The following CD109 variants were observed in gnomAD, a reference collection of about 807,000 sequenced individuals.
CD109 encodes the protein CD109 antigen.
Under a neutral mutation model 165.8 loss-of-function variants are expected in CD109, and 149 were observed. The observed-to-expected ratio is 0.90, with a 90% confidence interval of 0.79 to 1.03. The LOEUF is 1.03. CD109 is among the 50% of genes least tolerant of loss of function. CD109 has a pLI of 0.00. For missense variants in CD109, 1,712 were observed against 1,677.8 expected, an observed-to-expected ratio of 1.02 and a Z score of -0.36; for synonymous variants, 585 against 592.1, an observed-to-expected ratio of 0.99 and a Z score of 0.18.
At chr6:73,687,089 A>G in the CD109 span, among the ~76,000 whole-genome samples, 1 of 152,248 alleles carries the variant, frequency 6.6e-6, no homozygotes, top group African/African-American at 2.4e-5. Flanking sequence ...TCTATTGGAC[A>G]GCATTGGTCT....
intron 7 of CD109, 58 bp from the exon 8 acceptor site, chr6:73,762,326 A>G (rs1773667007): frequency 1.9e-6 from 2 of 1,068,436 alleles, no homozygotes; most frequent in Admixed American, 4.1e-5. Flanking sequence ...TAGTATTTTT[A>G]TTGTGTTCTG....
At position 73,696,269 on chromosome 6, in the gene CD109, C is replaced by T; in HGVS notation, c.54C>T (p.Ala18=). 6.5e-7 allele frequency: 1 copy of T among 1,530,088 alleles called. No individual in the cohort carries two copies. Among genetic ancestry groups the T allele is most frequent in the Non-Finnish European group, 8.7e-7 (1 of 1,144,066 alleles). 94.8% of individuals were successfully genotyped at this position (1,530,088 alleles called of 1,614,324 possible). ...TAAHLLCVCT[A]ALAVAPGPRF... is the part of the protein sequence containing the mutation. ...CCCACCTCCTCTGCGTGTGCACCGC[C>T]GCGCTGGCCGTGGCTCCCGGGTAGG... Residue 18 remains alanine, a synonymous_variant, in exon 1 of 33, where the codon GCC becomes GCT. Transcript: ENST00000287097.
At chr6:73,718,706 C>G (rs999810636) in intron 2 of CD109, among the ~76,000 whole-genome samples, 8 of 151,930 alleles carry the variant, frequency 5.3e-5, no homozygotes, top group African/African-American at 1.9e-4. Context: ...TTTCACATGT[C>G]TATGTCTCAG....
rs756966963 is a variant in CD109, at chr6:73,771,518, G to A, written c.1764G>A (p.Gly588=). 1.1e-5 allele frequency: 18 copies of A among 1,610,434 alleles called. No individual in the cohort carries two copies. The highest frequency in any genetic ancestry group is 1.5e-5 in the Non-Finnish European group (18 of 1,178,520). The change falls in exon 15 of 33, where the codon GGG becomes GGA. Residue 588 remains glycine (G), a synonymous_variant. Transcript: ENST00000287097. ...ISVTQPDSIV[G]IVAVDKSVNL... ...TGACACAGCCTGACTCCATAGTTGGGATTGTAGCTGTTGACAAAAGTGTGA... is the reference window on the plus strand; with the variant it reads ...TGACACAGCCTGACTCCATAGTTGGAATTGTAGCTGTTGACAAAAGTGTGA...
At chr6:73,760,086 T>C (rs1773554450) in intron 7 of CD109, among the ~76,000 whole-genome samples, 1 of 152,006 alleles carries the variant, frequency 6.6e-6, no homozygotes, top group Non-Finnish European at 1.5e-5. Flanking sequence ...ACAATAGAGA[T>C]AGAAGCAACC....
chr6:73,796,835 T>C (rs1312434167), intron 23 of CD109, among the ~76,000 whole-genome samples: 1 of 152,192 alleles, frequency 6.6e-6, no homozygotes, highest in African/African-American at 2.4e-5. Context: ...CATGTGCTAC[T>C]CTTTTTGCTG....
chr6:73,786,562 C>A (rs1348094313), intron 20 of CD109, among the ~76,000 whole-genome samples: 1 of 151,914 alleles, frequency 6.6e-6, no homozygotes, highest in African/African-American at 2.4e-5. Flanking sequence ...TACCACTTAC[C>A]AGCAAATGAC....
intron 5 of CD109, among the ~76,000 whole-genome samples, chr6:73,738,766 ATCT>A (rs1460291581): frequency 6.6e-6 from 1 of 152,212 alleles, no homozygotes; most frequent in Non-Finnish European, 1.5e-5. Context: ...TGCTTTAGAC[ATCT>A]TATGTCCCTT....
At chr6:73,716,361 C>G (rs1771745290) in intron 2 of CD109, among the ~76,000 whole-genome samples, 1 of 152,192 alleles carries the variant, frequency 6.6e-6, no homozygotes, top group African/African-American at 2.4e-5. Flanking sequence ...CCAAACTGTT[C>G]TCCATAGTGG....
rs753752542 is a variant in CD109, at chr6:73,771,509, C to T, written c.1755C>T (p.Ser585=). 6.2e-7 allele frequency: 1 copy of T among 1,610,940 alleles called. No individual in the cohort carries two copies. Among genetic ancestry groups the T allele is most frequent in the Non-Finnish European group, 8.5e-7 (1 of 1,178,478 alleles). The change falls in exon 15 of 33, where the codon TCC becomes TCT. Residue 585 remains serine (S), a synonymous_variant. Transcript: ENST00000287097. The part of the protein sequence containing the change: ...SLRISVTQPD[S]IVGIVAVDKS... Reference sequence around the variant, plus strand: ...GGATCTCTGTGACACAGCCTGACTCCATAGTTGGGATTGTAGCTGTTGACA... The same window carrying T: ...GGATCTCTGTGACACAGCCTGACTCTATAGTTGGGATTGTAGCTGTTGACA...
chr6:73,727,586 G>A (rs923493842), intron 3 of CD109, among the ~76,000 whole-genome samples: 4 of 152,074 alleles, frequency 2.6e-5, no homozygotes, highest in African/African-American at 7.2e-5. Flanking sequence ...AATGTTTTCG[G>A]GCATATTTGC....
intron 15 of CD109, among the ~76,000 whole-genome samples, chr6:73,777,161 T>G (rs1774280183): frequency 6.6e-6 from 1 of 151,914 alleles, no homozygotes; most frequent in African/African-American, 2.4e-5. Context: ...TTTCTTCATG[T>G]TGGTCAGCCT....
intron 7 of CD109, among the ~76,000 whole-genome samples, chr6:73,761,250 C>T (rs1005387148): frequency 3.9e-5 from 6 of 152,190 alleles, no homozygotes; most frequent in Admixed American, 1.3e-4. Flanking sequence ...ATTGCACTAT[C>T]AGCTGACATT....
At chr6:73,772,446 C>CA (rs1214989544) in intron 15 of CD109, among the ~76,000 whole-genome samples, 1 of 142,068 alleles carries the variant, frequency 7.0e-6, no homozygotes, top group Non-Finnish European at 1.5e-5. Context: ...GCGGAGCTTG[C>CA]AGCGAGCAGA....
At chr6:73,811,284 C>T in intron 28 of CD109, 137 bp downstream of exon 28, 4 of 1,025,856 alleles carry the variant, frequency 3.9e-6, no homozygotes, top group Non-Finnish European at 5.4e-6. Flanking sequence ...AAGTGGTGCC[C>T]TTCTTTGGCT....
intron 23 of CD109, among the ~76,000 whole-genome samples, chr6:73,795,970 A>G (rs1419524383): frequency 6.6e-6 from 1 of 152,226 alleles, no homozygotes; most frequent in Non-Finnish European, 1.5e-5. Flanking sequence ...AATATCAGCT[A>G]TAGTAGAATT....
Position 73,787,263 on chromosome 6 carries a change from A to G in CD109, c.2367A>G (p.Lys789=), listed in dbSNP as rs1274677941. The stretch of plus-strand genomic sequence containing the variant: ...AGGTAATCATTGAGAAAAGTGACAA[A>G]TTTGATATTCTAATGACTTCAAATG... ...EVKVIIEKSD[K]FDILMTSNEI... Residue 789 remains lysine (K), a synonymous_variant, in exon 21 of 33, where the codon AAA becomes AAG. Coordinates refer to ENST00000287097, the MANE Select transcript of CD109 (RefSeq NM_133493.5). 1.2e-6 allele frequency: 2 copies of G among 1,613,346 alleles called. No homozygotes were observed. The highest frequency in any genetic ancestry group is 1.7e-5 in the Admixed American group (1 of 59,906).
At chr6:73,793,625 T>C (rs752575931) in intron 23 of CD109, among the ~76,000 whole-genome samples, 1 of 152,252 alleles carries the variant, frequency 6.6e-6, no homozygotes, top group Non-Finnish European at 1.5e-5. Flanking sequence ...GCTCTTGACA[T>C]CCATACCTAG....
chr6:73,686,328 T>C, the CD109 span, among the ~76,000 whole-genome samples: 1 of 152,232 alleles, frequency 6.6e-6, no homozygotes, highest in Non-Finnish European at 1.5e-5. Flanking sequence ...TCCTTGAAAT[T>C]TATTTGTTGA....
Sources: allele counts gnomAD v4.1 joint callset (sites outside exome capture counted in the v4.1 genomes callset), GRCh38; gene constraint gnomAD v4.1.1; transcripts MANE v1.5; gene names NCBI Gene and HGNC (gene_info 2026-07-23, HGNC 2026-07-21).